The following KCNMA1 variants were observed in gnomAD, a reference collection of about 807,000 sequenced individuals.
The protein encoded by KCNMA1 is potassium calcium-activated channel subfamily M alpha 1.
In KCNMA1, 29 loss-of-function variants were observed where a neutral mutation model predicts 140.0. The observed-to-expected ratio is 0.21, with a 90% confidence interval of 0.15 to 0.28. The LOEUF (loss-of-function observed/expected upper bound fraction) is 0.28, where lower values mean the gene tolerates loss of function less well. KCNMA1 is among the 10% of genes least tolerant of loss of function. KCNMA1 has a pLI of 1.00. For missense variants in KCNMA1, 880 were observed against 1,602.2 expected (o/e 0.55, Z 7.70); for synonymous variants, 612 against 611.9 (o/e 1.00, Z 0.00).
At chr10:76,974,464 A>G (rs1465314032) in intron 19 of KCNMA1, 11 of 1,433,032 alleles carry the variant, frequency 7.7e-6, no homozygotes, top group Non-Finnish European at 1.1e-5. Context: ...TAAAAATGGG[A>G]ATGGGTCCCA....
At chr10:77,581,370 G>C (rs1036956275) in intron 1 of KCNMA1, among the ~76,000 whole-genome samples, 1 of 151,792 alleles carries the variant, frequency 6.6e-6, no homozygotes, top group Non-Finnish European at 1.5e-5. Flanking sequence ...GTGCAGTGGC[G>C]TGATCTCGGC....
chr10:77,181,574 C>T (rs1051901797), intron 5 of KCNMA1, among the ~76,000 whole-genome samples: 1 of 152,164 alleles, frequency 6.6e-6, no homozygotes, highest in Non-Finnish European at 1.5e-5. Context: ...TGAAAAACAA[C>T]AGGCTAGGTA....
chr10:77,189,086 T>C (rs969885209), intron 3 of KCNMA1, among the ~76,000 whole-genome samples: 2 of 152,110 alleles, frequency 1.3e-5, no homozygotes, highest in African/African-American at 4.8e-5. Flanking sequence ...CTGGGCTCCA[T>C]CCCCAGTTTC....
chr10:77,102,412 T>C (rs1209592792), intron 9 of KCNMA1, among the ~76,000 whole-genome samples: 1 of 152,038 alleles, frequency 6.6e-6, no homozygotes, highest in African/African-American at 2.4e-5. Context: ...AGGTTCTGAG[T>C]GAGAAGGAGA....
intron 1 of KCNMA1, among the ~76,000 whole-genome samples, chr10:77,470,695 C>G (rs149410507): frequency 6.6e-6 from 1 of 152,288 alleles, no homozygotes; most frequent in South Asian, 2.1e-4. Flanking sequence ...ATTTTTAAAG[C>G]CTGTGTGCAG....
At chr10:76,898,093 G>A (rs1222349113) in intron 25 of KCNMA1, among the ~76,000 whole-genome samples, 1 of 151,724 alleles carries the variant, frequency 6.6e-6, no homozygotes, top group Non-Finnish European at 1.5e-5. Context: ...CAAGACTATA[G>A]CATCTTATGT....
chr10:77,015,041 C>G (rs2091726283), intron 17 of KCNMA1, among the ~76,000 whole-genome samples: 1 of 152,158 alleles, frequency 6.6e-6, no homozygotes, highest in Non-Finnish European at 1.5e-5. Context: ...TTCTCACACT[C>G]CAAAACAGCT....
chr10:77,135,493 G>T (rs1272959224), intron 5 of KCNMA1, among the ~76,000 whole-genome samples: 2 of 152,106 alleles, frequency 1.3e-5, no homozygotes, highest in Non-Finnish European at 2.9e-5. Context: ...CTCACCACTG[G>T]GTATATATTC....
At chr10:77,590,097 T>G (rs920633835) in intron 1 of KCNMA1, among the ~76,000 whole-genome samples, 10 of 152,206 alleles carry the variant, frequency 6.6e-5, no homozygotes, top group Non-Finnish European at 1.5e-4. Context: ...CACAGGGTGC[T>G]GATTGGTGTG....
chr10:76,970,236 C>A, intron 19 of KCNMA1, 169 bp from the exon 20 acceptor site: 2 of 644,286 alleles, frequency 3.1e-6, no homozygotes, highest in East Asian at 3.0e-5. Flanking sequence ...AAGAGGCCGG[C>A]TTAGAGAAGG....
intron 5 of KCNMA1, among the ~76,000 whole-genome samples, chr10:77,169,769 C>G (rs868318093): frequency 6.6e-5 from 10 of 152,212 alleles, no homozygotes; most frequent in Middle Eastern, 3.4e-3. Context: ...CTAATTTTAC[C>G]CTTTATGAGC....
At chr10:77,555,735 T>C (rs972078759) in intron 1 of KCNMA1, among the ~76,000 whole-genome samples, 1 of 152,012 alleles carries the variant, frequency 6.6e-6, no homozygotes, top group Non-Finnish European at 1.5e-5. Flanking sequence ...ACTTTGGAGG[T>C]TAAACAGATG....
At chr10:77,028,030 G>T in intron 15 of KCNMA1, 139 bp from the exon 16 acceptor site, 1 of 787,568 alleles carries the variant, frequency 1.3e-6, no homozygotes, top group Non-Finnish European at 2.2e-6. Context: ...GTGCCAAAGG[G>T]AGGGGGTGGA....
At chr10:77,000,670 A>G (rs1395269823) in intron 19 of KCNMA1, among the ~76,000 whole-genome samples, 1 of 151,946 alleles carries the variant, frequency 6.6e-6, no homozygotes, top group East Asian at 1.9e-4. Flanking sequence ...AACAGGGGCT[A>G]TACTATTGGA....
chr10:77,376,401 G>A (rs1430398672), intron 2 of KCNMA1: 1 of 152,158 alleles, frequency 6.6e-6, no homozygotes, highest in Non-Finnish European at 1.5e-5. Flanking sequence ...TAATGGAACA[G>A]TGCCCACTAA....
chr10:77,308,573 C>T (rs1055267392), intron 2 of KCNMA1, among the ~76,000 whole-genome samples: 2 of 152,190 alleles, frequency 1.3e-5, no homozygotes, highest in African/African-American at 4.8e-5. Flanking sequence ...TTCCAGATAA[C>T]AGCAAAGTCG....
intron 20 of KCNMA1, among the ~76,000 whole-genome samples, chr10:76,966,497 A>C (rs951049739): frequency 6.6e-6 from 1 of 152,138 alleles, no homozygotes; most frequent in African/African-American, 2.4e-5. Context: ...GAGAGTTTTC[A>C]TTGAAGGTTC....
chr10:76,969,409 TTTTGAAC>T (rs1182505716), intron 20 of KCNMA1, among the ~76,000 whole-genome samples: 1 of 152,226 alleles, frequency 6.6e-6, no homozygotes, highest in Non-Finnish European at 1.5e-5. Context: ...ACTGGATTAC[TTTTGAAC>T]TTTGCTTTGG....
At chr10:77,061,389 C>T (rs543616727) in intron 14 of KCNMA1, among the ~76,000 whole-genome samples, 7 of 152,234 alleles carry the variant, frequency 4.6e-5, no homozygotes, top group African/African-American at 1.7e-4. Context: ...ATACAGATGA[C>T]AAATAACCAC....
Sources: allele counts gnomAD v4.1 joint callset (sites outside exome capture counted in the v4.1 genomes callset), GRCh38; gene constraint gnomAD v4.1.1; transcripts MANE v1.5; gene names NCBI Gene and HGNC (gene_info 2026-07-23, HGNC 2026-07-21).